The following RPS6KA6 variants were observed in gnomAD, a reference collection of about 807,000 sequenced individuals.
The protein encoded by RPS6KA6 is ribosomal protein S6 kinase alpha-6.
Under a neutral mutation model 65.4 loss-of-function variants are expected in RPS6KA6, and 27 were observed. The observed-to-expected ratio is 0.41, with a 90% CI of 0.30 to 0.57. The LOEUF is 0.57. Among genes scored for constraint, RPS6KA6 ranks in the 20% least tolerant of loss-of-function variants. The probability of loss-of-function intolerance (pLI) is 0.24; values close to 1 mark genes in which losing one functional copy is unlikely to be tolerated. For missense variants in RPS6KA6, 486 were observed against 555.6 expected, an observed-to-expected ratio of 0.87 and a Z score of 1.26; for synonymous variants, 190 against 184.2, an observed-to-expected ratio of 1.03 and a Z score of -0.26.
chrX:84,067,321 A>G (rs1259615536), intron 20 of RPS6KA6, among the ~76,000 whole-genome samples: 1 of 111,658 alleles, frequency 9.0e-6, no homozygotes, highest in Non-Finnish European at 1.9e-5. Flanking sequence ...GGTAATAACA[A>G]ACTCCTCTGA....
Position 84,187,809 on chromosome X carries a change from C to G in RPS6KA6, c.81+10G>C, listed in dbSNP as rs1440227718. 5.0e-6 allele frequency: 6 copies of G among 1,197,040 alleles called. No homozygotes were observed. Among genetic ancestry groups the G allele is most frequent in the African/African-American group, 1.8e-5 (1 of 56,194 alleles). On this transcript the variant is annotated intron_variant, in intron 1 of 21. Transcript: ENST00000262752. Reference sequence around the variant, plus strand: ...GGTTGGCTCCAGCCCGTCTTGGCCACCACACTAACCTCGCCGCTGCTCGCG... The same window carrying G: ...GGTTGGCTCCAGCCCGTCTTGGCCAGCACACTAACCTCGCCGCTGCTCGCG...
chrX:84,174,515 C>G (rs186896245), intron 1 of RPS6KA6, among the ~76,000 whole-genome samples: 1 of 111,736 alleles, frequency 8.9e-6, no homozygotes, highest in East Asian at 2.8e-4. Flanking sequence ...TATTTAAATG[C>G]AATCATGAGG....
At chrX:84,147,593 T>G (rs1042799754) in intron 4 of RPS6KA6, among the ~76,000 whole-genome samples, 5 of 111,654 alleles carry the variant, frequency 4.5e-5, no homozygotes, top group African/African-American at 1.6e-4. Context: ...ATTATAGGTG[T>G]GAGCCACCAT....
rs777650277 is a variant in RPS6KA6 at position 84,183,699 on chromosome X, C to T, written c.81+4120G>A. On this transcript the variant is annotated intron_variant, in intron 1 of 21. Transcript: ENST00000262752. ...CCTTTTCTTATATTGTGCCCATCCA[C>T]GTGAAATATGCTCCTTTCATCTGTC... Among the ~76,000 whole-genome samples the T allele has an allele frequency of 9.5e-4, 106 of 111,145 alleles. 1 individual carries two copies. In the South Asian group the frequency reaches 0.01, roughly 11 times the overall value.
chrX:84,135,193 T>C lies in RPS6KA6; in HGVS notation c.519A>G (p.Glu173=). The part of the protein sequence containing the change: ...RLSKEVLFTE[E]DVKFYLAELA... ...GTTCTGCGAGGTAGAATTTCACATC[T>C]TCCTCTGTAAACAGAACCTAGAACA... The change falls in exon 7 of 22, where the codon GAA becomes GAG. Residue 173 remains glutamate, a synonymous_variant. Transcript: ENST00000262752. 8.4e-7 allele frequency: 1 copy of C among 1,186,941 alleles called. No individual in the cohort carries two copies. Among genetic ancestry groups the C allele is most frequent in the Non-Finnish European group, 1.1e-6 (1 of 874,605 alleles).
rs1208656984 is a variant in RPS6KA6 at position 84,060,775 on chromosome X, T to C, written c.*3502A>G. On this transcript the variant is annotated 3_prime_UTR_variant, in exon 22 of 22. Coordinates refer to ENST00000262752, the MANE Select transcript of RPS6KA6 (RefSeq NM_014496.5). ...CTTTCCCCCAAAATATTTTCCGTGA[T>C]AGGAACTGAATTTAAAATTATCACC... 8.9e-6 allele frequency: 1 copy of C among 112,070 alleles called. No individual in the cohort carries two copies. The highest frequency in any genetic ancestry group is 3.2e-5 in the African/African-American group (1 of 30,840). The allele number at this position is 112,070 out of a possible 1,213,427, so 9.2% of individuals were successfully genotyped here. A position where few individuals can be genotyped will look rare whatever the true frequency, so the allele number is the denominator to read the frequency against.
chrX:84,141,324 C>T (rs1217707661), intron 6 of RPS6KA6, among the ~76,000 whole-genome samples: 1 of 107,998 alleles, frequency 9.3e-6, no homozygotes, highest in Non-Finnish European at 1.9e-5. Flanking sequence ...ACTTATACTA[C>T]AAATCCTAAG....
At chrX:84,151,188 GATAT>G (rs2077197113) in intron 3 of RPS6KA6, among the ~76,000 whole-genome samples, 1 of 95,931 alleles carries the variant, frequency 1.0e-5, no homozygotes, top group Non-Finnish European at 2.1e-5. Flanking sequence ...AGCTATATAG[GATAT>G]ATAGAGATAT....
intron 17 of RPS6KA6, among the ~76,000 whole-genome samples, chrX:84,104,298 C>T (rs992310176): frequency 2.4e-4 from 27 of 111,147 alleles, no homozygotes; most frequent in African/African-American, 7.2e-4. Context: ...AATGAATATG[C>T]TATTAAATCA....
intron 6 of RPS6KA6, among the ~76,000 whole-genome samples, chrX:84,142,465 A>G (rs2035123242): frequency 1.8e-5 from 2 of 111,613 alleles, no homozygotes; most frequent in Admixed American, 1.9e-4. Context: ...CAGAAAAAGA[A>G]AAGCTAATAC....
intron 3 of RPS6KA6, 96 bp downstream of exon 3, chrX:84,155,979 T>C (rs2035409136): frequency 6.1e-6 from 3 of 494,873 alleles, no homozygotes; most frequent in Non-Finnish European, 1.1e-5. Context: ...TTCAGAAGTT[T>C]AGAAACGACT....
intron 20 of RPS6KA6, among the ~76,000 whole-genome samples, chrX:84,066,779 G>T (rs759265416): frequency 8.9e-6 from 1 of 111,995 alleles, no homozygotes; most frequent in East Asian, 2.8e-4. Flanking sequence ...TCTGCTAAGG[G>T]ACAGACTGCC....
At chrX:84,134,167 T>G (rs1359680848) in intron 8 of RPS6KA6, among the ~76,000 whole-genome samples, 2 of 112,040 alleles carry the variant, frequency 1.8e-5, no homozygotes, top group Non-Finnish European at 3.8e-5. Flanking sequence ...TCAACAGGTC[T>G]TTCCTTTTTA....
chrX:84,131,332 TA>T (rs1263831373), intron 8 of RPS6KA6, among the ~76,000 whole-genome samples: 1 of 112,793 alleles, frequency 8.9e-6, no homozygotes, highest in East Asian at 2.8e-4. Flanking sequence ...CATTTTCATT[TA>T]AAAAAATCAC....
chrX:84,105,472 T>C (rs1357093710), intron 16 of RPS6KA6, among the ~76,000 whole-genome samples: 1 of 111,275 alleles, frequency 9.0e-6, no homozygotes, highest in East Asian at 2.8e-4. Flanking sequence ...CAGTCTCCTG[T>C]ATCTTCTGTA....
intron 20 of RPS6KA6, among the ~76,000 whole-genome samples, chrX:84,073,083 A>T (rs1440108296): frequency 8.9e-6 from 1 of 111,921 alleles, no homozygotes; most frequent in Non-Finnish European, 1.9e-5. Context: ...AGTCATTTTG[A>T]GCAAAAAGAA....
rs771068272 is a variant in RPS6KA6 at position 84,107,599 on chromosome X, A to C, written c.1111+24T>G. The C allele has an allele frequency of 1.0e-5, 10 of 952,965 alleles. No homozygotes were observed. The East Asian group carries it at 3.1e-4, about 30-fold the overall frequency. The allele number at this position is 952,965 out of a possible 1,213,427, so 78.5% of individuals were successfully genotyped here. A position where few individuals can be genotyped will look rare whatever the true frequency, so the allele number is the denominator to read the frequency against. On this transcript the variant is annotated intron_variant, in intron 13 of 21. Transcript: ENST00000262752. ...ACTATCTACTTAAATAAAATCTCTG[A>C]TTTTACAGATAAACATGCATTACCT...
intron 13 of RPS6KA6, 90 bp downstream of exon 13, chrX:84,107,533 C>T (rs2034384497): frequency 9.7e-6 from 5 of 517,246 alleles, no homozygotes; most frequent in Admixed American, 4.3e-5. Flanking sequence ...GCAAATTTAC[C>T]ATTCTTTTAG....
intron 6 of RPS6KA6, among the ~76,000 whole-genome samples, chrX:84,139,724 A>G (rs6616906): frequency 5.3e-5 from 6 of 112,581 alleles, no homozygotes; most frequent in South Asian, 7.3e-4. Context: ...TGAAGCAGAC[A>G]AAGACAGGAT....
Sources: gnomAD v4.1 joint callset for allele counts (sites outside exome capture counted in the v4.1 genomes callset) on GRCh38, gnomAD v4.1.1 for gene constraint, MANE v1.5 for transcripts, NCBI Gene and HGNC (gene_info 2026-07-23, HGNC 2026-07-21) for gene names.